Variants in NRP2 observed in about 807,000 individuals in gnomAD.
NRP2 encodes neuropilin-2.
NRP2 carries 52 observed loss-of-function variants against 110.4 expected under a neutral mutation model. That is an observed-to-expected ratio of 0.47 (90% confidence interval 0.38 to 0.59). NRP2 has a LOEUF of 0.59. Among genes scored for constraint, NRP2 ranks in the 20% least tolerant of loss-of-function variants. The pLI, the probability that NRP2 is intolerant of heterozygous loss-of-function variation, is 0.00. For missense variants in NRP2, 1,049 were observed against 1,203.0 expected (o/e 0.87, Z 1.89); for synonymous variants, 508 against 468.9 (o/e 1.08, Z -1.08).
At position 205,743,517 on chromosome 2, in the gene NRP2, G is replaced by C. The variant is rs778187600; in HGVS notation, c.1606G>C (p.Glu536Gln). The C allele has an allele frequency of 6.2e-7, 1 of 1,614,194 alleles. No homozygotes were observed. Among genetic ancestry groups the C allele is most frequent in the South Asian group, 1.1e-5 (1 of 91,074 alleles). ...CTACAGCCTAAACGGCAAGGACTGG[G>C]AATACATTCAGGACCCCAGGACCCA... is the stretch of plus-strand genomic sequence containing the variant. ...VSYSLNGKDWEYIQDPRTQQP... is the reference protein window; with the variant it reads ...VSYSLNGKDWQYIQDPRTQQP... Residue 536 changes from glutamate (E) to glutamine (Q), a missense_variant, in exon 9 of 17, where the codon GAA becomes CAA. Physicochemically the swap from Glu to Gln is conservative, Grantham distance 29 (BLOSUM62 2). Coordinates refer to ENST00000357785, the MANE Select transcript of NRP2 (RefSeq NM_003872.3).
At chr2:205,730,364 T>C (rs972220823) in intron 7 of NRP2, among the ~76,000 whole-genome samples, 6 of 50,076 alleles carry the variant, frequency 1.2e-4, no homozygotes, top group Non-Finnish European at 2.4e-4. Flanking sequence ...TGGGGGGAGG[T>C]GGGGGTTGGG....
chr2:205,717,736 T>C (rs2056928700), intron 3 of NRP2, among the ~76,000 whole-genome samples: 1 of 152,186 alleles, frequency 6.6e-6, no homozygotes, highest in South Asian at 2.1e-4. Context: ...CCCCTGAGTC[T>C]TGTGCAAAAT....
chr2:205,794,484 T>C (rs1183411568), intron 16 of NRP2, among the ~76,000 whole-genome samples: 4 of 152,230 alleles, frequency 2.6e-5, no homozygotes, highest in African/African-American at 7.2e-5. Flanking sequence ...TATTAGTTCA[T>C]GTAATCCTCC....
At position 205,773,937 on chromosome 2, in the gene NRP2, G is replaced by A. The variant is rs1242597846; in HGVS notation, c.2425+7134G>A. Among the ~76,000 whole-genome samples, 8 of 152,156 alleles carry A rather than the reference G, an allele frequency of 5.3e-5. No homozygotes were observed. The East Asian group carries it at 1.4e-3, about 26-fold the overall frequency. ...CTTTAGAGGGAAAGCTAATCCCTGA[G>A]GATTTATCACCTCCCTTTTCTTGAT... On this transcript the variant is annotated intron_variant, in intron 15 of 16. Coordinates refer to ENST00000357785, the MANE Select transcript of NRP2 (RefSeq NM_003872.3).
chr2:205,793,267 C>T (rs1302603423), intron 16 of NRP2, among the ~76,000 whole-genome samples: 4 of 152,232 alleles, frequency 2.6e-5, no homozygotes, highest in Non-Finnish European at 5.9e-5. Flanking sequence ...GCCTGATCTC[C>T]ATTCCTGCTT....
chr2:205,726,134 A>G (rs2057124247), intron 6 of NRP2, 52 bp downstream of exon 6: 15 of 1,590,286 alleles, frequency 9.4e-6, no homozygotes, highest in African/African-American at 4.0e-5. Flanking sequence ...TTGCTGGGGT[A>G]GGAGGGTAGC....
chr2:205,694,633 T>C (rs1443047808), intron 1 of NRP2, among the ~76,000 whole-genome samples: 2 of 152,210 alleles, frequency 1.3e-5, no homozygotes, highest in Non-Finnish European at 2.9e-5. Context: ...TGGCTTAGCT[T>C]GACTCCTCTG....
At chr2:205,769,077 T>A (rs908493487) in intron 15 of NRP2, among the ~76,000 whole-genome samples, 1 of 152,168 alleles carries the variant, frequency 6.6e-6, no homozygotes, top group Admixed American at 6.5e-5. Context: ...ACTCATATAC[T>A]ATTCCTCTTA....
chr2:205,774,893 A>G (rs565401683), intron 15 of NRP2, among the ~76,000 whole-genome samples: 1 of 152,254 alleles, frequency 6.6e-6, no homozygotes, highest in South Asian at 2.1e-4. Context: ...CCTCATGATG[A>G]GAGTGAGTTC....
rs888978567 is a variant in NRP2, at chr2:205,796,505, G to T, written c.*1447G>T. On this transcript the variant is annotated 3_prime_UTR_variant, in exon 17 of 17. Transcript: ENST00000357785. ...TTATTAAGTGCCTTGAAAAAATGAA[G>T]AAAAATGTATTTTCCCTTTATGTAA... The T allele has an allele frequency of 2.0e-5, 3 of 152,494 alleles. No homozygotes were observed. The highest frequency in any genetic ancestry group is 7.2e-5 in the African/African-American group (3 of 41,404). The allele number at this position is 152,494 out of a possible 1,614,324, so 9.4% of individuals were successfully genotyped here.
intron 1 of NRP2, among the ~76,000 whole-genome samples, chr2:205,688,968 A>C (rs1057069979): frequency 2.0e-5 from 3 of 152,186 alleles, no homozygotes; most frequent in African/African-American, 7.2e-5. Context: ...TCCAGAACAC[A>C]GGAAAGAGGG....
intron 12 of NRP2, among the ~76,000 whole-genome samples, chr2:205,753,474 G>T (rs557991133): frequency 1.3e-5 from 2 of 152,182 alleles, no homozygotes; most frequent in Non-Finnish European, 2.9e-5. Flanking sequence ...CCACACCCAT[G>T]GGTATCTAGC....
chr2:205,690,005 CT>C (rs2056272598), intron 1 of NRP2, among the ~76,000 whole-genome samples: 1 of 152,230 alleles, frequency 6.6e-6, no homozygotes, highest in Non-Finnish European at 1.5e-5. Flanking sequence ...AAGAGAAGCT[CT>C]CGGTAGCACA....
In NRP2 at chr2:205,763,402, G is replaced by A. The variant is rs977223802; in HGVS notation, c.2045-272G>A. Among the ~76,000 whole-genome samples the A allele has an allele frequency of 6.6e-6, 1 of 152,148 alleles. No individual in the cohort carries two copies. The highest frequency in any genetic ancestry group is 6.5e-5 in the Admixed American group (1 of 15,280). On this transcript the variant is annotated intron_variant, in intron 12 of 16. Transcript: ENST00000357785. The surrounding 1 kb of genome is among the most constrained non-coding windows in gnomAD (Gnocchi z 4.0). ...CCAAGACATAAGGCAGCTGTGCCGGGTGCTCCATGTGAAAGAGATGGAAAG... is the reference window on the plus strand; with the variant it reads ...CCAAGACATAAGGCAGCTGTGCCGGATGCTCCATGTGAAAGAGATGGAAAG...
At chr2:205,751,894 C>G (rs1274236526) in intron 11 of NRP2, among the ~76,000 whole-genome samples, 1 of 152,148 alleles carries the variant, frequency 6.6e-6, no homozygotes, top group Non-Finnish European at 1.5e-5. Flanking sequence ...GGCAAACAAC[C>G]AAATCTGGGT....
chr2:205,775,445 T>C (rs114560007), intron 15 of NRP2, among the ~76,000 whole-genome samples: 2,500 of 152,246 alleles, frequency 0.016, 63 homozygotes, highest in African/African-American at 0.057. Context: ...ATGATTTCCC[T>C]CCCTCTCTCT....
chr2:205,724,009 G>C (rs1575589474), intron 5 of NRP2, 69 bp downstream of exon 5: 1 of 1,569,206 alleles, frequency 6.4e-7, no homozygotes, highest in South Asian at 1.1e-5. Flanking sequence ...CAGGTGAAGG[G>C]GGGCTGAGCT....
At position 205,726,041 on chromosome 2, in the gene NRP2, G is replaced by T. The variant is rs1471663148; in HGVS notation, c.949G>T (p.Gly317Cys). ...AAGCCGGCTCCATGGTGATGACAATGGCTGGACCCCCAACTTGGATTCCAA... is the reference window on the plus strand; with the variant it reads ...AAGCCGGCTCCATGGTGATGACAATTGCTGGACCCCCAACTTGGATTCCAA... ...QQSRLHGDDN[G>C]WTPNLDSNKE... The change falls in exon 6 of 17, where the codon GGC (glycine) becomes TGC (cysteine). Residue 317 changes from glycine (G) to cysteine (C), a missense_variant. Coordinates refer to ENST00000357785, the MANE Select transcript of NRP2 (RefSeq NM_003872.3). The T allele has an allele frequency of 6.2e-7, 1 of 1,614,208 alleles. No individual in the cohort carries two copies. Among genetic ancestry groups the T allele is most frequent in the South Asian group, 1.1e-5 (1 of 91,082 alleles).
rs1022478892 is a variant in NRP2, at chr2:205,795,193, G to A, written c.*135G>A. 3.1e-6 allele frequency: 3 copies of A among 955,220 alleles called. No homozygotes were observed. Among genetic ancestry groups the A allele is most frequent in the Admixed American group, 4.0e-5 (2 of 49,830 alleles). The allele number at this position is 955,220 out of a possible 1,614,324, so 59.2% of individuals were successfully genotyped here. A position where few individuals can be genotyped will look rare whatever the true frequency, so the allele number is the denominator to read the frequency against. On this transcript the variant is annotated 3_prime_UTR_variant, in exon 17 of 17. Transcript: ENST00000357785. ...TCCAGAATACCGAAGGTATGGACAGGACAGAAAAGCGAGTCGCAGGAGGAA... is the reference window on the plus strand; with the variant it reads ...TCCAGAATACCGAAGGTATGGACAGAACAGAAAAGCGAGTCGCAGGAGGAA...
Sources: gnomAD v4.1 joint callset for allele counts (sites outside exome capture counted in the v4.1 genomes callset) on GRCh38, gnomAD v4.1.1 for gene constraint, Gnocchi (gnomAD v3.1) non-coding constraint, MANE v1.5 for transcripts, NCBI Gene and HGNC (gene_info 2026-07-23, HGNC 2026-07-21) for gene names.